The following ASPH variants were observed in gnomAD, a reference collection of about 807,000 sequenced individuals.
The protein encoded by ASPH is aspartate beta-hydroxylase.
ASPH carries 100 observed loss-of-function variants against 118.4 expected under a neutral mutation model. The ratio of observed to expected loss-of-function variants is 0.84; its 90% CI spans 0.72 to 1.00. ASPH has a LOEUF of 1.00. Ranked by LOEUF, ASPH falls within the 50% of genes least tolerant of loss-of-function variation. The pLI, the probability that ASPH is intolerant of heterozygous loss-of-function variation, is 0.00. For missense variants in ASPH, 920 were observed against 919.5 expected (o/e 1.00, Z -0.01); for synonymous variants, 315 against 325.6 (o/e 0.97, Z 0.35).
At position 61,576,771 on chromosome 8, in the gene ASPH, C is replaced by T. The variant is rs770102182; in HGVS notation, c.1149+1G>A. ...TCCTAAGGAGAAGGGTCTCAGAATA[C>T]CTGCGCCTTCCCATATCTTGCTCGT... On this transcript the variant is annotated splice_donor_variant, in intron 16 of 24. Coordinates refer to ENST00000379454, the MANE Select transcript of ASPH (RefSeq NM_004318.4). LOFTEE classifies it high-confidence loss of function. 2.5e-6 allele frequency: 4 copies of T among 1,606,608 alleles called. No homozygotes were observed. The South Asian group carries it at 3.4e-5, about 13-fold the overall frequency.
chr8:61,626,167 T>A (rs1852709122), intron 13 of ASPH: 1 of 1,292,800 alleles, frequency 7.7e-7, no homozygotes, highest in African/African-American at 1.5e-5. Context: ...TTCCCAAAGA[T>A]CTTGATCTGC....
At chr8:61,535,318 T>A (rs1819084971) in intron 21 of ASPH, among the ~76,000 whole-genome samples, 2 of 152,150 alleles carry the variant, frequency 1.3e-5, no homozygotes, top group African/African-American at 4.8e-5. Flanking sequence ...TAGGAAAAGG[T>A]AAATTCGCAG....
At chr8:61,549,137 A>G (rs1192910182) in intron 20 of ASPH, among the ~76,000 whole-genome samples, 1 of 152,262 alleles carries the variant, frequency 6.6e-6, no homozygotes, top group Non-Finnish European at 1.5e-5. Context: ...TTTGATAAAT[A>G]AAAATAAGCA....
At chr8:61,552,874 G>A (rs1000970386) in intron 20 of ASPH, among the ~76,000 whole-genome samples, 157 bp downstream of exon 20, 3 of 152,212 alleles carry the variant, frequency 2.0e-5, no homozygotes, top group South Asian at 4.1e-4. Context: ...GAGTTGTTGG[G>A]TTGTTCCAAA....
intron 14 of ASPH, among the ~76,000 whole-genome samples, chr8:61,609,294 C>T (rs1198355196): frequency 6.6e-6 from 1 of 152,198 alleles, no homozygotes; most frequent in Non-Finnish European, 1.5e-5. Flanking sequence ...GGCAGCTTTA[C>T]TTGTGGTCTG....
chr8:61,636,575 G>A (rs1406048970), intron 12 of ASPH, among the ~76,000 whole-genome samples: 2 of 152,296 alleles, frequency 1.3e-5, no homozygotes, highest in East Asian at 3.9e-4. Flanking sequence ...TGCATAGCCA[G>A]GTGCCTCACT....
Position 61,517,604 on chromosome 8 carries a change from T to C in ASPH, c.2050A>G (p.Asn684Asp), listed in dbSNP as rs1338943276. 7 of 1,614,158 alleles carry C rather than the reference T, an allele frequency of 4.3e-6. No individual in the cohort carries two copies. The highest frequency in any genetic ancestry group is 1.1e-5 in the South Asian group (1 of 91,088). Reference protein sequence around the residue: ...THVWPHTGPTNCRLRMHLGLV... With the variant: ...THVWPHTGPTDCRLRMHLGLV... The stretch of plus-strand genomic sequence containing the variant: ...CCCAGGTGCATTCGGAGCCTGCAGT[T>C]TGTGGGCCCTGTGTGCGGCCACACG... The change falls in exon 24 of 25, where the codon AAC becomes GAC. Residue 684 changes from asparagine to aspartate, a missense_variant. By Grantham distance (23) the Asn-to-Asp change is conservative. Coordinates refer to ENST00000379454, the MANE Select transcript of ASPH (RefSeq NM_004318.4).
Position 61,585,605 on chromosome 8 carries a change from C to A in ASPH, c.977-1576G>T, listed in dbSNP as rs925844100. The stretch of plus-strand genomic sequence containing the variant: ...GCCCCCTGGTGGGAATTTAATAATG[C>A]GTTAAATAATGCCAAAGTTTCTGCC... On this transcript the variant is annotated intron_variant, in intron 14 of 24. Coordinates refer to ENST00000379454, the MANE Select transcript of ASPH (RefSeq NM_004318.4). Among the ~76,000 whole-genome samples the A allele has an allele frequency of 5.3e-5, 8 of 152,256 alleles. No individual in the cohort carries two copies. In the East Asian group the frequency reaches 5.8e-4, roughly 11 times the overall value.
At chr8:61,708,871 C>T (rs77750035) in intron 1 of ASPH, among the ~76,000 whole-genome samples, 3,466 of 128,298 alleles carry the variant, frequency 0.027, 60 homozygotes, top group Non-Finnish European at 0.042. Flanking sequence ...ACCACTCCCA[C>T]CCCCCAGCCC....
At chr8:61,665,376 A>AT (rs1445911806) in intron 3 of ASPH, 10 of 1,612,838 alleles carry the variant, frequency 6.2e-6, no homozygotes, top group East Asian at 2.2e-5. Flanking sequence ...ATATTTGTTG[A>AT]TTTTTTCCTA....
At chr8:61,594,726 A>G (rs1842069921) in intron 14 of ASPH, among the ~76,000 whole-genome samples, 1 of 152,218 alleles carries the variant, frequency 6.6e-6, no homozygotes, top group Admixed American at 6.5e-5. Flanking sequence ...ACTGTGACTA[A>G]TTTATAGATT....
chr8:61,573,251 T>C (rs1351440179), intron 16 of ASPH, among the ~76,000 whole-genome samples: 1 of 152,186 alleles, frequency 6.6e-6, no homozygotes, highest in Non-Finnish European at 1.5e-5. Context: ...TGCTCATGGA[T>C]AGGAAGAATC....
intron 24 of ASPH, among the ~76,000 whole-genome samples, chr8:61,516,585 A>G (rs918977762): frequency 6.6e-6 from 1 of 152,232 alleles, no homozygotes; most frequent in African/African-American, 2.4e-5. Context: ...AGGAGCTTAC[A>G]TACAGCTTGC....
chr8:61,631,513 G>A (rs994577768), intron 13 of ASPH, among the ~76,000 whole-genome samples: 2 of 152,162 alleles, frequency 1.3e-5, no homozygotes, highest in Non-Finnish European at 2.9e-5. Context: ...GTACAGGTTT[G>A]TAGTCTATAA....
chr8:61,614,706 G>A (rs978681839), intron 14 of ASPH, among the ~76,000 whole-genome samples: 1 of 152,080 alleles, frequency 6.6e-6, no homozygotes, highest in Non-Finnish European at 1.5e-5. Flanking sequence ...GGCCCAGGCT[G>A]GCCTCAAACT....
chr8:61,564,409 C>T (rs1830968310), intron 17 of ASPH, among the ~76,000 whole-genome samples: 3 of 151,674 alleles, frequency 2.0e-5, no homozygotes, highest in Non-Finnish European at 4.4e-5. Flanking sequence ...AGTGATTCTC[C>T]TGCCTCAGCC....
chr8:61,520,608 T>G (rs1812599530), intron 22 of ASPH, among the ~76,000 whole-genome samples: 2 of 152,234 alleles, frequency 1.3e-5, no homozygotes. Flanking sequence ...GAACAATAAA[T>G]GTCAGTTTGG....
chr8:61,693,454 T>A (rs1394541054), intron 1 of ASPH, among the ~76,000 whole-genome samples: 1 of 151,644 alleles, frequency 6.6e-6, no homozygotes, highest in African/African-American at 2.4e-5. Flanking sequence ...AAACAAATTT[T>A]TTTTCATCTA....
chr8:61,576,967 T>A (rs758471578), intron 15 of ASPH, 109 bp from the exon 16 acceptor site: 38 of 922,290 alleles, frequency 4.1e-5, no homozygotes, highest in Non-Finnish European at 5.7e-5. Flanking sequence ...CTAGATTCCA[T>A]CCTGAGTGTA....
Sources: gnomAD v4.1 joint callset for allele counts (sites outside exome capture counted in the v4.1 genomes callset) on GRCh38, gnomAD v4.1.1 for gene constraint, MANE v1.5 for transcripts, NCBI Gene and HGNC (gene_info 2026-07-23, HGNC 2026-07-21) for gene names.